CCM2: variants seen among roughly 807,000 people sequenced by gnomAD.
The protein encoded by CCM2 is cerebral cavernous malformations 2 protein.
CCM2 carries 25 observed loss-of-function variants against 44.9 expected under a neutral mutation model. The observed-to-expected ratio is 0.56, with a 90% CI of 0.41 to 0.78. The LOEUF (loss-of-function observed/expected upper bound fraction) is 0.78, where lower values mean the gene tolerates loss of function less well. Ranked by LOEUF, CCM2 falls within the 30% of genes least tolerant of loss-of-function variation. The pLI, the probability that CCM2 is intolerant of heterozygous loss-of-function variation, is 0.00. For synonymous variants in CCM2, 219 were observed against 241.1 expected, an observed-to-expected ratio of 0.91 and a Z score of 0.85; for missense variants, 481 against 580.6, an observed-to-expected ratio of 0.83 and a Z score of 1.76.
chr7:45,043,134 A>C (rs915400749), intron 2 of CCM2, among the ~76,000 whole-genome samples: 1 of 151,868 alleles, frequency 6.6e-6, no homozygotes, highest in African/African-American at 2.4e-5. Flanking sequence ...CACCATGCCC[A>C]GCTAATTTTT....
chr7:45,023,904 A>G (rs1796587479), intron 1 of CCM2, among the ~76,000 whole-genome samples: 1 of 145,850 alleles, frequency 6.9e-6, no homozygotes, highest in East Asian at 2.0e-4. Context: ...TCTGCCTCCC[A>G]GGTTCAAGTG....
chr7:45,044,463 A>T (rs898630544), intron 2 of CCM2, among the ~76,000 whole-genome samples: 8 of 152,100 alleles, frequency 5.3e-5, no homozygotes, highest in African/African-American at 1.7e-4. Context: ...TTACGTTCTG[A>T]GTTCCATCTA....
chr7:45,014,626 T>TC (rs1232792098), intron 1 of CCM2, among the ~76,000 whole-genome samples: 9 of 149,540 alleles, frequency 6.0e-5, no homozygotes, highest in African/African-American at 2.2e-4. Flanking sequence ...CTTAACCTTT[T>TC]TTTTTTTTTT....
chr7:45,002,593 T>C (rs1795686064), intron 1 of CCM2, among the ~76,000 whole-genome samples: 1 of 151,696 alleles, frequency 6.6e-6, no homozygotes, highest in South Asian at 2.1e-4. Context: ...CCCATTTTCC[T>C]CAGGACACAG....
At chr7:45,008,045 T>G (rs1192639983) in intron 1 of CCM2, among the ~76,000 whole-genome samples, 1 of 147,798 alleles carries the variant, frequency 6.8e-6, no homozygotes, top group Non-Finnish European at 1.5e-5. Context: ...GTACATTTTT[T>G]TTTTTTTTTT....
intron 1 of CCM2, among the ~76,000 whole-genome samples, chr7:45,031,541 G>A (rs1796971130): frequency 6.6e-6 from 1 of 151,776 alleles, no homozygotes; most frequent in Non-Finnish European, 1.5e-5. Flanking sequence ...ACCACGCTCA[G>A]CTTTTTTCTT....
intron 1 of CCM2, among the ~76,000 whole-genome samples, chr7:45,002,477 G>T (rs1795679959): frequency 6.6e-6 from 1 of 151,226 alleles, no homozygotes; most frequent in African/African-American, 2.4e-5. Flanking sequence ...GCTGAGGCAG[G>T]AGGATCACCT....
At chr7:45,029,931 C>CTAGG (rs1796880905) in intron 1 of CCM2, among the ~76,000 whole-genome samples, 1 of 152,186 alleles carries the variant, frequency 6.6e-6, no homozygotes, top group African/African-American at 2.4e-5. Flanking sequence ...TTGTAAGGAT[C>CTAGG]TAGGCATCTT....
chr7:45,018,014 C>G (rs138237784), intron 1 of CCM2, among the ~76,000 whole-genome samples: 100 of 152,040 alleles, frequency 6.6e-4, no homozygotes, highest in African/African-American at 2.1e-3. Flanking sequence ...GGTTTCGTGG[C>G]AGACAGTTTT....
At chr7:45,013,625 C>G (rs924384532) in intron 1 of CCM2, among the ~76,000 whole-genome samples, 1 of 152,194 alleles carries the variant, frequency 6.6e-6, no homozygotes, top group Non-Finnish European at 1.5e-5. Context: ...CATGACCCCA[C>G]CCAGACTTGC....
Position 45,068,648 on chromosome 7 carries a change from C to G in CCM2, c.609+69C>G, listed in dbSNP as rs1798905540. The G allele has an allele frequency of 3.1e-6, 5 of 1,598,590 alleles. No individual in the cohort carries two copies. In the African/African-American group the frequency reaches 4.0e-5, roughly 13 times the overall value. The stretch of plus-strand genomic sequence containing the variant: ...GACCCTGCTCATGGCCAGCCCCACC[C>G]TGGCCACACCCAGCACAGTGCTGGG... On this transcript the variant is annotated intron_variant, in intron 5 of 9. Transcript: ENST00000258781.
chr7:45,045,275 G>A (rs1418608087), intron 2 of CCM2, among the ~76,000 whole-genome samples: 1 of 152,048 alleles, frequency 6.6e-6, no homozygotes, highest in African/African-American at 2.4e-5. Context: ...ATTGTGCATG[G>A]GAACTTGAAT....
chr7:45,003,469 G>A (rs1447132212), intron 1 of CCM2, among the ~76,000 whole-genome samples: 2 of 152,114 alleles, frequency 1.3e-5, no homozygotes, highest in African/African-American at 4.8e-5. Context: ...TCAGGGTTGG[G>A]TGTAGGTAAT....
intron 1 of CCM2, among the ~76,000 whole-genome samples, chr7:45,028,686 T>C (rs1021255570): frequency 7.2e-5 from 11 of 151,822 alleles, no homozygotes; most frequent in African/African-American, 2.4e-4. Context: ...AAATTAGCCG[T>C]GTCCTGAGAT....
intron 2 of CCM2, among the ~76,000 whole-genome samples, chr7:45,049,103 G>A (rs1019960510): frequency 2.0e-5 from 3 of 152,118 alleles, no homozygotes; most frequent in Non-Finnish European, 4.4e-5. Context: ...ACCACATGTT[G>A]CACCATCACA....
intron 1 of CCM2, among the ~76,000 whole-genome samples, chr7:45,019,592 CT>C (rs1211840773): frequency 6.6e-6 from 1 of 151,088 alleles, no homozygotes; most frequent in African/African-American, 2.4e-5. Context: ...AAAATCTCAG[CT>C]TTTTTTTTGA....
intron 2 of CCM2, among the ~76,000 whole-genome samples, chr7:45,047,281 G>T (rs1199768980): frequency 6.6e-6 from 1 of 152,152 alleles, no homozygotes; most frequent in Non-Finnish European, 1.5e-5. Flanking sequence ...CAAAACAGTT[G>T]TATTCATAGT....
At chr7:45,000,464 G>GGGCAGTGGGCCA in intron 1 of CCM2, 101 bp downstream of exon 1, 2 of 190,004 alleles carry the variant, frequency 1.1e-5, no homozygotes, top group South Asian at 2.9e-4. Flanking sequence ...CGGGGGGGGG[G>GGGCAGTGGGCCA]GCAGTGGGCC....
At chr7:45,074,186 G>T in intron 8 of CCM2, 84 bp from the exon 9 acceptor site, 1 of 1,602,628 alleles carries the variant, frequency 6.2e-7, no homozygotes, top group South Asian at 1.1e-5. Context: ...CTCTGGCTGG[G>T]GTTAGTGGCT....
Sources: gnomAD v4.1 joint callset for allele counts (sites outside exome capture counted in the v4.1 genomes callset) on GRCh38, gnomAD v4.1.1 for gene constraint, MANE v1.5 for transcripts, NCBI Gene and HGNC (gene_info 2026-07-23, HGNC 2026-07-21) for gene names.